GLT6D1: variants seen among roughly 807,000 people sequenced by gnomAD.
The protein encoded by GLT6D1 is putative glycosyltransferase 6 domain-containing protein 1.
Under a neutral mutation model 12.3 loss-of-function variants are expected in GLT6D1, and 9 were observed. That is an observed-to-expected ratio of 0.73 (90% CI 0.44 to 1.27). The LOEUF (loss-of-function observed/expected upper bound fraction) is 1.27. GLT6D1 is among the 50% of genes most tolerant of loss of function. The pLI, the probability that GLT6D1 is intolerant of heterozygous loss-of-function variation, is 0.00. For missense variants in GLT6D1, 335 were observed against 346.2 expected (o/e 0.97, Z 0.26); for synonymous variants, 128 against 132.3 (o/e 0.97, Z 0.23).
rs781170308 is a variant in GLT6D1 at position 135,639,171 on chromosome 9, A to G, written c.17T>C (p.Met6Thr). The change falls in exon 2 of 5, where the codon ATG (methionine) becomes ACG (threonine). Residue 6 changes from methionine (M) to threonine (T), a missense_variant. Transcript: ENST00000371763. Reference protein sequence around the residue: MNSKRMLLLVLFAFSL... With the variant: MNSKRTLLLVLFAFSL... ...AAAAGCAAATAAAACCAATAACAGCATTCTTTTAGAATTCATTCTCTCCTA... is the reference window on the plus strand; with the variant it reads ...AAAAGCAAATAAAACCAATAACAGCGTTCTTTTAGAATTCATTCTCTCCTA... 34 of 1,582,210 alleles carry G rather than the reference A, an allele frequency of 2.1e-5. No individual in the cohort carries two copies. The highest frequency in any genetic ancestry group is 2.5e-5 in the Non-Finnish European group (29 of 1,152,404).
At chr9:135,625,408 C>T (rs539651211) in intron 4 of GLT6D1, among the ~76,000 whole-genome samples, 1 of 152,268 alleles carries the variant, frequency 6.6e-6, no homozygotes, top group Non-Finnish European at 1.5e-5. Flanking sequence ...GGCCTTAAAT[C>T]GGCTCAGGTC....
chr9:135,629,346 A>T (rs961514350), intron 3 of GLT6D1, among the ~76,000 whole-genome samples: 1 of 152,174 alleles, frequency 6.6e-6, no homozygotes, highest in African/African-American at 2.4e-5. Context: ...AAAATTTTTT[A>T]ATTTCCCTTG....
upstream of GLT6D1, among the ~76,000 whole-genome samples, chr9:135,640,606 G>A (rs979921441): frequency 6.6e-6 from 1 of 152,036 alleles, no homozygotes; most frequent in Non-Finnish European, 1.5e-5. Flanking sequence ...TGTAATCCCA[G>A]CTACTCAGGA....
At chr9:135,624,724 C>CTTTTTT (rs72471205) in intron 4 of GLT6D1, 54 bp from the exon 5 acceptor site, 79 of 565,528 alleles carry the variant, frequency 1.4e-4, no homozygotes, top group African/African-American at 5.3e-4. Context: ...TCTTTTCTTT[C>CTTTTTT]TTTTTTTTTT....
At chr9:135,628,970 A>T (rs1385634358) in intron 3 of GLT6D1, among the ~76,000 whole-genome samples, 3 of 152,070 alleles carry the variant, frequency 2.0e-5, no homozygotes, top group Admixed American at 1.3e-4. Context: ...ATCAAGTTAC[A>T]CTTTTGGCAA....
chr9:135,623,853 A>G lies in GLT6D1; in HGVS notation c.*244T>C, dbSNP rs1340300986. ...TTATTCTTTATCCTACATTAGCCAAATAAGATGGCTCAAAATGGCAAGAAG... is the reference window on the plus strand; with the variant it reads ...TTATTCTTTATCCTACATTAGCCAAGTAAGATGGCTCAAAATGGCAAGAAG... On this transcript the variant is annotated 3_prime_UTR_variant, in exon 5 of 5. Coordinates refer to ENST00000371763, the MANE Select transcript of GLT6D1 (RefSeq NM_182974.3). The G allele has an allele frequency of 6.7e-6, 3 of 447,898 alleles. No homozygotes were observed. Among genetic ancestry groups the G allele is most frequent in the Non-Finnish European group, 1.2e-5 (3 of 252,852 alleles). The allele number at this position is 447,898 out of a possible 1,614,324, so 27.7% of individuals were successfully genotyped here. A position where few individuals can be genotyped will look rare whatever the true frequency, so the allele number is the denominator to read the frequency against.
At chr9:135,631,722 G>A (rs910314708) in intron 2 of GLT6D1, among the ~76,000 whole-genome samples, 26 of 151,842 alleles carry the variant, frequency 1.7e-4, no homozygotes, top group African/African-American at 5.6e-4. Flanking sequence ...ATGAGTGTTG[G>A]GAGGAAGATT....
At chr9:135,639,251 A>C (rs1833844105) in intron 1 of GLT6D1, 42 bp downstream of exon 1, 1 of 964,278 alleles carries the variant, frequency 1.0e-6, no homozygotes, top group Admixed American at 2.0e-5. Flanking sequence ...CATATTTGTC[A>C]TCATCTAACA....
rs555577257 is a variant in GLT6D1 at position 135,635,942 on chromosome 9, A to G, written c.71+3175T>C. Among the ~76,000 whole-genome samples the G allele has an allele frequency of 6.3e-4, 96 of 152,322 alleles. 3 individuals are homozygous for G. In the South Asian group the frequency reaches 0.018, roughly 28 times the overall value. ...TCATCCATTTATTTAATTGATTCAA[A>G]TATACATGTATAGCAGCAGCAGAAT... is the stretch of plus-strand genomic sequence containing the variant. On this transcript the variant is annotated intron_variant, in intron 2 of 4. Coordinates refer to ENST00000371763, the MANE Select transcript of GLT6D1 (RefSeq NM_182974.3).
At position 135,623,875 on chromosome 9, in the gene GLT6D1, G is replaced by C. The variant is rs759604810; in HGVS notation, c.*222C>G. On this transcript the variant is annotated 3_prime_UTR_variant, in exon 5 of 5. Coordinates refer to ENST00000371763, the MANE Select transcript of GLT6D1 (RefSeq NM_182974.3). ...CAAATAAGATGGCTCAAAATGGCAA[G>C]AAGAAACATTTATTTGGGAAGGATG... 2.1e-6 allele frequency: 1 copy of C among 477,584 alleles called. No individual in the cohort carries two copies. Among genetic ancestry groups the C allele is most frequent in the Non-Finnish European group, 3.7e-6 (1 of 271,590 alleles). The allele number at this position is 477,584 out of a possible 1,614,324, so 29.6% of individuals were successfully genotyped here.
chr9:135,636,055 C>T (rs1371771320), intron 2 of GLT6D1, among the ~76,000 whole-genome samples: 2 of 152,182 alleles, frequency 1.3e-5, no homozygotes, highest in African/African-American at 2.4e-5. Flanking sequence ...CCTTTACTTT[C>T]AAACTCCACT....
At chr9:135,641,017 C>T (rs1833882478), upstream of GLT6D1, among the ~76,000 whole-genome samples, 1 of 152,228 alleles carries the variant, frequency 6.6e-6, no homozygotes, top group Non-Finnish European at 1.5e-5. Context: ...CAATATCTTT[C>T]TGAGGTCAAG....
upstream of GLT6D1, among the ~76,000 whole-genome samples, chr9:135,640,338 G>C (rs548048971): frequency 3.2e-4 from 49 of 152,282 alleles, no homozygotes; most frequent in African/African-American, 1.1e-3. Flanking sequence ...TGGAAAGAAT[G>C]AGTTAAATGA....
At chr9:135,640,071 C>G (rs1442630613), upstream of GLT6D1, among the ~76,000 whole-genome samples, 7 of 152,120 alleles carry the variant, frequency 4.6e-5, no homozygotes, top group Non-Finnish European at 8.8e-5. Context: ...CCTCAGCCTT[C>G]CAGTGATTTT....
At chr9:135,626,000 G>A (rs1012840981) in intron 4 of GLT6D1, 69 bp downstream of exon 4, 70 of 1,548,846 alleles carry the variant, frequency 4.5e-5, no homozygotes, top group African/African-American at 4.5e-4. Context: ...CTCTTTGGAG[G>A]TTAAAGGCTC....
chr9:135,634,583 C>T (rs528655409), intron 2 of GLT6D1, among the ~76,000 whole-genome samples: 1 of 151,900 alleles, frequency 6.6e-6, no homozygotes, highest in East Asian at 1.9e-4. Flanking sequence ...TGCACCAACC[C>T]AGTTTTTCCT....
chr9:135,632,777 C>A (rs575167670), intron 2 of GLT6D1, among the ~76,000 whole-genome samples: 1 of 151,880 alleles, frequency 6.6e-6, no homozygotes, highest in Admixed American at 6.6e-5. Flanking sequence ...AAGTGATTCT[C>A]CTGCCTCAGC....
chr9:135,635,138 C>A (rs1242176132), intron 2 of GLT6D1, among the ~76,000 whole-genome samples: 1 of 152,108 alleles, frequency 6.6e-6, no homozygotes, highest in Admixed American at 6.6e-5. Context: ...CTTCTTTTTG[C>A]TCCTCCAATC....
At chr9:135,630,044 CTTTT>C (rs1246382272) in intron 3 of GLT6D1, among the ~76,000 whole-genome samples, 7 of 152,210 alleles carry the variant, frequency 4.6e-5, no homozygotes, top group African/African-American at 1.7e-4. Flanking sequence ...CAATCTCTGC[CTTTT>C]TTAATTGGAG....
Sources: gnomAD v4.1 joint callset for allele counts (sites outside exome capture counted in the v4.1 genomes callset) on GRCh38, gnomAD v4.1.1 for gene constraint, MANE v1.5 for transcripts, NCBI Gene and HGNC (gene_info 2026-07-23, HGNC 2026-07-21) for gene names.